Variants in PARD3B observed in about 807,000 individuals in gnomAD.
PARD3B encodes the protein par-3 family cell polarity regulator beta.
Under a neutral mutation model 130.2 loss-of-function variants are expected in PARD3B, and 103 were observed. The ratio of observed to expected loss-of-function variants is 0.79; its 90% CI spans 0.67 to 0.93. PARD3B has a LOEUF of 0.93. PARD3B is among the 40% of genes least tolerant of loss of function. The pLI, the probability that PARD3B is intolerant of heterozygous loss-of-function variation, is 0.00. For missense variants in PARD3B, 1,609 were observed against 1,499.2 expected (o/e 1.07, Z -1.21); for synonymous variants, 583 against 553.2 (o/e 1.05, Z -0.76).
At chr2:204,694,381 C>T (rs1282023865) in intron 2 of PARD3B, among the ~76,000 whole-genome samples, 1 of 151,882 alleles carries the variant, frequency 6.6e-6, no homozygotes. Context: ...TATTGTTTAA[C>T]TTTTTAAGTC....
chr2:205,235,553 A>G (rs1445576814), intron 15 of PARD3B, among the ~76,000 whole-genome samples: 15 of 152,160 alleles, frequency 9.9e-5, no homozygotes, highest in Admixed American at 9.8e-4. Context: ...AGAGGATAGT[A>G]CTATACACCA....
chr2:205,409,345 G>T (rs1375688740), intron 19 of PARD3B, among the ~76,000 whole-genome samples: 2 of 151,982 alleles, frequency 1.3e-5, no homozygotes, highest in African/African-American at 4.8e-5. Flanking sequence ...TTTATTTGGG[G>T]GCCATTTTTC....
In PARD3B at chr2:205,115,167, A is replaced by C. The variant is rs562186571; in HGVS notation, c.680+1590A>C. Among the ~76,000 whole-genome samples, 11 of 152,300 alleles carry C rather than the reference A, an allele frequency of 7.2e-5. No individual in the cohort carries two copies. The South Asian group carries it at 1.7e-3, about 23-fold the overall frequency. On this transcript the variant is annotated intron_variant, in intron 6 of 22. Coordinates refer to ENST00000406610, the MANE Select transcript of PARD3B (RefSeq NM_001302769.2). ...AAAACAAGCTGATCCTATAGATCAG[A>C]AATCACATTCTCTCACTTCAAACGA...
At chr2:205,331,436 G>A (rs933623568) in intron 18 of PARD3B, among the ~76,000 whole-genome samples, 7 of 152,096 alleles carry the variant, frequency 4.6e-5, no homozygotes, top group African/African-American at 1.7e-4. Flanking sequence ...GGCTAGGGTG[G>A]AGGTGTGATG....
intron 2 of PARD3B, among the ~76,000 whole-genome samples, chr2:204,915,518 T>G (rs1172954955): frequency 6.6e-6 from 1 of 152,200 alleles, no homozygotes. Flanking sequence ...GTATATATAC[T>G]AAAATATATA....
intron 1 of PARD3B, among the ~76,000 whole-genome samples, chr2:204,671,402 G>A (rs2036290967): frequency 2.0e-5 from 3 of 152,074 alleles, no homozygotes. Flanking sequence ...GAATTTGTCA[G>A]GCAGCTTTTG....
chr2:205,561,313 A>G (rs914295461), intron 22 of PARD3B, among the ~76,000 whole-genome samples: 2 of 152,204 alleles, frequency 1.3e-5, no homozygotes, highest in Non-Finnish European at 2.9e-5. Flanking sequence ...GATTTCCAGC[A>G]ATGCCACAGT....
intron 1 of PARD3B, among the ~76,000 whole-genome samples, chr2:204,611,529 A>G (rs1383047339): frequency 2.0e-5 from 3 of 152,182 alleles, no homozygotes; most frequent in Non-Finnish European, 4.4e-5. Flanking sequence ...AATAAAACTA[A>G]TATAAAAAGT....
At chr2:204,657,940 A>G (rs544722984) in intron 1 of PARD3B, among the ~76,000 whole-genome samples, 1 of 152,132 alleles carries the variant, frequency 6.6e-6, no homozygotes, top group African/African-American at 2.4e-5. Context: ...CATATATTCT[A>G]TAGTTTATGG....
rs551639297 is a variant in PARD3B at position 205,484,520 on chromosome 2, T to A, written c.3045-15376T>A. On this transcript the variant is annotated intron_variant, in intron 20 of 22. Coordinates refer to ENST00000406610, the MANE Select transcript of PARD3B (RefSeq NM_001302769.2). ...CACTTGTTGGGAAAGAAGCTAAAGTTGTTGGTTTAAATGAGATTTTTTTCA... is the reference window on the plus strand; with the variant it reads ...CACTTGTTGGGAAAGAAGCTAAAGTAGTTGGTTTAAATGAGATTTTTTTCA... 3.3e-5 allele frequency among the ~76,000 whole-genome samples: 5 copies of A among 152,294 alleles called. No homozygotes were observed. In the South Asian group the frequency reaches 1.0e-3, roughly 32 times the overall value.
Position 205,291,358 on chromosome 2 carries a change from A to G in PARD3B, c.2186-9172A>G, listed in dbSNP as rs549208973. Among the ~76,000 whole-genome samples the G allele has an allele frequency of 6.6e-6, 1 of 152,330 alleles. No homozygotes were observed. The highest frequency in any genetic ancestry group is 1.5e-5 in the Non-Finnish European group (1 of 68,024). On this transcript the variant is annotated intron_variant, in intron 16 of 22. Coordinates refer to ENST00000406610, the MANE Select transcript of PARD3B (RefSeq NM_001302769.2). This position sits in a 1 kb window ranked among gnomAD's most constrained non-coding sequence, Gnocchi z 4.6. ...CTTAGATGATACCCACATAATCTTGAATAGAACGTTGGTAGAAATATGGAT... is the reference window on the plus strand; with the variant it reads ...CTTAGATGATACCCACATAATCTTGGATAGAACGTTGGTAGAAATATGGAT...
At chr2:205,218,804 G>A (rs1450932090) in intron 15 of PARD3B, among the ~76,000 whole-genome samples, 1 of 152,114 alleles carries the variant, frequency 6.6e-6, no homozygotes, top group Non-Finnish European at 1.5e-5. Flanking sequence ...CTGTGGCTGG[G>A]CATGGTGGCT....
Position 205,419,122 on chromosome 2 carries a change from T to C in PARD3B, c.2741+17999T>C, listed in dbSNP as rs773724002. ...CTCCCCACCCAAATCTCATCTTGAA[T>C]TGCAGCTCCCACAATTCCCATGGGT... On this transcript the variant is annotated intron_variant, in intron 19 of 22. Transcript: ENST00000406610. Among the ~76,000 whole-genome samples, 52 of 152,142 alleles carry C rather than the reference T, an allele frequency of 3.4e-4. 1 individual carries two copies. The highest frequency in any genetic ancestry group is 6.2e-4 in the Non-Finnish European group (42 of 68,014).
At chr2:204,674,523 GA>G (rs2125216393) in intron 1 of PARD3B, among the ~76,000 whole-genome samples, 1 of 139,384 alleles carries the variant, frequency 7.2e-6, no homozygotes, top group South Asian at 2.7e-4. Context: ...AACAGTGTGG[GA>G]GGGGGGTGGG....
intron 19 of PARD3B, among the ~76,000 whole-genome samples, chr2:205,430,215 AG>A (rs2047282205): frequency 6.6e-6 from 1 of 152,184 alleles, no homozygotes; most frequent in East Asian, 1.9e-4. Context: ...CCATATATGC[AG>A]GTTCCTTATC....
At chr2:205,072,531 C>T (rs1315214875) in intron 4 of PARD3B, among the ~76,000 whole-genome samples, 1 of 152,138 alleles carries the variant, frequency 6.6e-6, no homozygotes, top group Admixed American at 6.5e-5. Context: ...GGATTACAGG[C>T]ATGACCTACG....
Position 205,140,486 on chromosome 2 carries a change from C to CT in PARD3B, c.1434+14768dup, listed in dbSNP as rs35408494. On this transcript the variant is annotated intron_variant, in intron 10 of 22. Coordinates refer to ENST00000406610, the MANE Select transcript of PARD3B (RefSeq NM_001302769.2). ...AAAAAAAAAAAAAGGAAGACCGTTC[C>CT]TTTTTTTTTTTTTTTTTTTAAAGTT... Among the ~76,000 whole-genome samples the CT allele has an allele frequency of 7.2e-3, 846 of 117,480 alleles. 10 individuals are homozygous for CT. The highest frequency in any genetic ancestry group is 0.023 in the African/African-American group (734 of 31,710). 77.1% of individuals were successfully genotyped at this position (117,480 alleles called of 152,430 possible).
intron 4 of PARD3B, among the ~76,000 whole-genome samples, chr2:205,096,939 G>A (rs1002669589): frequency 6.6e-6 from 1 of 152,044 alleles, no homozygotes; most frequent in African/African-American, 2.4e-5. Context: ...TCCTTACCCT[G>A]TTTGCCTGAA....
Position 205,532,379 on chromosome 2 carries a change from T to G in PARD3B, c.3181-20945T>G, listed in dbSNP as rs187064796. On this transcript the variant is annotated intron_variant, in intron 21 of 22. Transcript: ENST00000406610. ...AACTGTTATAAGTTCTTTGTTTCAGTTTTCTCAGACTTACTCCAGAAGGGG... is the reference window on the plus strand; with the variant it reads ...AACTGTTATAAGTTCTTTGTTTCAGGTTTCTCAGACTTACTCCAGAAGGGG... Among the ~76,000 whole-genome samples, 7 of 152,320 alleles carry G rather than the reference T, an allele frequency of 4.6e-5. No homozygotes were observed. In the East Asian group the frequency reaches 1.3e-3, roughly 29 times the overall value.
Sources: allele counts gnomAD v4.1 joint callset (sites outside exome capture counted in the v4.1 genomes callset), GRCh38; gene constraint gnomAD v4.1.1; non-coding constraint Gnocchi (gnomAD v3.1); transcripts MANE v1.5; gene names NCBI Gene and HGNC (gene_info 2026-07-23, HGNC 2026-07-21).